The following CAMKMT variants were observed in gnomAD, a reference collection of about 807,000 sequenced individuals.
CAMKMT encodes the protein CaM KMT.
Under a neutral mutation model 48.0 loss-of-function variants are expected in CAMKMT, and 53 were observed. The ratio of observed to expected loss-of-function variants is 1.10; its 90% CI spans 0.89 to 1.39. The LOEUF is 1.39. CAMKMT is among the 40% of genes most tolerant of loss of function. The pLI is 0.00. For missense variants in CAMKMT, 428 were observed against 402.7 expected (o/e 1.06, Z -0.54); for synonymous variants, 165 against 152.3 (o/e 1.08, Z -0.61).
At position 44,772,375 on chromosome 2, in the gene CAMKMT, C is replaced by A. The variant is rs1558846708; in HGVS notation, c.*262C>A. The A allele has an allele frequency of 3.1e-6, 1 of 319,512 alleles. No homozygotes were observed. Among genetic ancestry groups the A allele is most frequent in the Non-Finnish European group, 5.7e-6 (1 of 176,802 alleles). 19.8% of individuals were successfully genotyped at this position (319,512 alleles called of 1,614,324 possible). ...CTTTAAATGTGTATAAGCTGCCTGTCTGTGACTTGAATTTGACTGGTGAAC... is the reference window on the plus strand; with the variant it reads ...CTTTAAATGTGTATAAGCTGCCTGTATGTGACTTGAATTTGACTGGTGAAC... On this transcript the variant is annotated 3_prime_UTR_variant, in exon 11 of 11. Transcript: ENST00000378494.
At chr2:44,697,341 G>C (rs750410031) in intron 3 of CAMKMT, among the ~76,000 whole-genome samples, 1 of 152,106 alleles carries the variant, frequency 6.6e-6, no homozygotes, top group Non-Finnish European at 1.5e-5. Context: ...AAAGGCAAAA[G>C]GAGCCTGGGA....
Position 44,653,436 on chromosome 2 carries a change from T to C in CAMKMT, c.377-50847T>C, listed in dbSNP as rs1674199898. Reference sequence around the variant, plus strand: ...TTTTAGAATTGGAAGGAACATTAGATATAGTTTTATCTCATTGATAGAGAA... The same window carrying C: ...TTTTAGAATTGGAAGGAACATTAGACATAGTTTTATCTCATTGATAGAGAA... On this transcript the variant is annotated intron_variant, in intron 3 of 10. Coordinates refer to ENST00000378494, the MANE Select transcript of CAMKMT (RefSeq NM_024766.5). The surrounding 1 kb of genome is among the most constrained non-coding windows in gnomAD (Gnocchi z 5.2). 6.6e-6 allele frequency among the ~76,000 whole-genome samples: 1 copy of C among 152,194 alleles called. No homozygotes were observed. Among genetic ancestry groups the C allele is most frequent in the Admixed American group, 6.5e-5 (1 of 15,284 alleles).
chr2:44,625,702 G>A (rs1247555366), intron 3 of CAMKMT, among the ~76,000 whole-genome samples: 1 of 152,122 alleles, frequency 6.6e-6, no homozygotes, highest in Admixed American at 6.5e-5. Context: ...TGTGAGGTAA[G>A]GGTCGAGGTT....
At chr2:44,383,226 G>A (rs571905073) in intron 2 of CAMKMT, among the ~76,000 whole-genome samples, 14 of 151,894 alleles carry the variant, frequency 9.2e-5, no homozygotes, top group South Asian at 8.3e-4. Context: ...GTGCAGTGGC[G>A]TGATCTCAGC....
intron 3 of CAMKMT, among the ~76,000 whole-genome samples, chr2:44,519,653 A>G (rs1257301605): frequency 1.3e-5 from 2 of 152,212 alleles, no homozygotes; most frequent in African/African-American, 4.8e-5. Flanking sequence ...TTAAAAACGA[A>G]ACAAAACAAA....
At chr2:44,551,356 C>T (rs1667706686) in intron 3 of CAMKMT, among the ~76,000 whole-genome samples, 1 of 152,122 alleles carries the variant, frequency 6.6e-6, no homozygotes, top group Non-Finnish European at 1.5e-5. Context: ...ATGGCTTATG[C>T]ATAAGATTGG....
In CAMKMT at chr2:44,622,758, C is replaced by G. The variant is rs186899842; in HGVS notation, c.377-81525C>G. Among the ~76,000 whole-genome samples the G allele has an allele frequency of 1.1e-4, 17 of 152,256 alleles. No homozygotes were observed. The East Asian group carries it at 3.3e-3, about 29-fold the overall frequency. On this transcript the variant is annotated intron_variant, in intron 3 of 10. Transcript: ENST00000378494. The stretch of plus-strand genomic sequence containing the variant: ...CCACTGTTGATGGGCTGGTTTGATT[C>G]CATGTCTTTGCCACTGTGAATAGTG...
chr2:44,694,915 A>G (rs1676855056), intron 3 of CAMKMT, among the ~76,000 whole-genome samples: 1 of 152,244 alleles, frequency 6.6e-6, no homozygotes, highest in African/African-American at 2.4e-5. Flanking sequence ...CTTTCCTCCT[A>G]TGAAATAAAC....
intron 3 of CAMKMT, among the ~76,000 whole-genome samples, chr2:44,523,609 A>G (rs1423175363): frequency 2.0e-5 from 3 of 151,598 alleles, no homozygotes; most frequent in Non-Finnish European, 4.4e-5. Flanking sequence ...GGACCCACTT[A>G]TAAGATGATT....
intron 3 of CAMKMT, among the ~76,000 whole-genome samples, chr2:44,582,403 G>A (rs1395250529): frequency 1.3e-5 from 2 of 152,172 alleles, no homozygotes; most frequent in Non-Finnish European, 2.9e-5. Context: ...TAGATGAAGC[G>A]ATACTTAAAC....
chr2:44,395,641 T>C (rs1340103494), intron 3 of CAMKMT, among the ~76,000 whole-genome samples: 1 of 152,158 alleles, frequency 6.6e-6, no homozygotes, highest in East Asian at 1.9e-4. Flanking sequence ...CTTAACTCCT[T>C]ATGTAAAATT....
At chr2:44,623,317 C>T (rs1672297574) in intron 3 of CAMKMT, among the ~76,000 whole-genome samples, 1 of 152,116 alleles carries the variant, frequency 6.6e-6, no homozygotes, top group Non-Finnish European at 1.5e-5. Flanking sequence ...TGTGCAGAAG[C>T]TCTTTAGTTT....
chr2:44,766,578 T>C lies in CAMKMT; in HGVS notation c.894+17T>C, dbSNP rs1240040190. On this transcript the variant is annotated intron_variant, in intron 10 of 10. Transcript: ENST00000378494. ...CACTCCAAGGTTAGTTTTCTGCTTGTGTTAGATAACACTTTAATCCGCATT... is the reference window on the plus strand; with the variant it reads ...CACTCCAAGGTTAGTTTTCTGCTTGCGTTAGATAACACTTTAATCCGCATT... The C allele has an allele frequency of 1.2e-6, 2 of 1,612,952 alleles. No homozygotes were observed. The highest frequency in any genetic ancestry group is 8.5e-7 in the Non-Finnish European group (1 of 1,179,822).
chr2:44,723,458 G>T (rs908261230), intron 7 of CAMKMT, among the ~76,000 whole-genome samples: 4 of 151,932 alleles, frequency 2.6e-5, no homozygotes, highest in African/African-American at 4.8e-5. Context: ...AGGCGTGTCG[G>T]CGGGCACCTG....
intron 3 of CAMKMT, among the ~76,000 whole-genome samples, chr2:44,575,371 G>A (rs1013705356): frequency 3.3e-5 from 5 of 151,694 alleles, no homozygotes; most frequent in African/African-American, 2.4e-5. Context: ...GAGCCACCAC[G>A]CCCAGCCCTT....
At chr2:44,414,099 A>G (rs1005935043) in intron 3 of CAMKMT, among the ~76,000 whole-genome samples, 1 of 152,174 alleles carries the variant, frequency 6.6e-6, no homozygotes, top group Admixed American at 6.5e-5. Flanking sequence ...CCTGTCCCAC[A>G]TCCTCATATC....
At chr2:44,564,795 C>A (rs556197730) in intron 3 of CAMKMT, among the ~76,000 whole-genome samples, 1 of 152,170 alleles carries the variant, frequency 6.6e-6, no homozygotes, top group Non-Finnish European at 1.5e-5. Flanking sequence ...CTGCTTTGGC[C>A]CCCCAAAGAA....
intron 3 of CAMKMT, among the ~76,000 whole-genome samples, chr2:44,468,533 AAGAGCTATCTGCACTCCC>A (rs1668246129): frequency 6.6e-6 from 1 of 152,230 alleles, no homozygotes. Flanking sequence ...CAGTATATTG[AAGAGCTATCTGCACTCCC>A]ATGTTTATTG....
At chr2:44,699,848 G>A (rs932292852) in intron 3 of CAMKMT, among the ~76,000 whole-genome samples, 3 of 152,110 alleles carry the variant, frequency 2.0e-5, no homozygotes, top group East Asian at 1.9e-4. Flanking sequence ...GTCACCAGCC[G>A]CACTAGCCCC....
Sources: allele counts gnomAD v4.1 joint callset (sites outside exome capture counted in the v4.1 genomes callset), GRCh38; gene constraint gnomAD v4.1.1; non-coding constraint Gnocchi (gnomAD v3.1); transcripts MANE v1.5; gene names NCBI Gene and HGNC (gene_info 2026-07-23, HGNC 2026-07-21).